Variants in DIP2C observed in about 807,000 individuals in gnomAD.
DIP2C encodes the protein DIP2 acetate--CoA ligase C (putative), also known as disco-interacting protein 2 homolog C.
In DIP2C, 33 loss-of-function variants were observed where a neutral mutation model predicts 192.4. The observed-to-expected ratio is 0.17, with a 90% CI of 0.13 to 0.23. DIP2C has a LOEUF of 0.23. Among genes scored for constraint, DIP2C ranks in the 10% least tolerant of loss-of-function variants. DIP2C has a pLI of 1.00. For missense variants in DIP2C, 1,537 were observed against 2,110.1 expected, an observed-to-expected ratio of 0.73 and a Z score of 5.32; for synonymous variants, 979 against 864.1, an observed-to-expected ratio of 1.13 and a Z score of -2.33.
intron 10 of DIP2C, among the ~76,000 whole-genome samples, chr10:393,698 G>C (rs886594534): frequency 2.1e-5 from 3 of 141,042 alleles, no homozygotes; most frequent in Non-Finnish European, 4.5e-5. Context: ...AGAATAGCTT[G>C]AACCCGGGAA....
chr10:347,861 TCGCGCATAGCTCTCCCGGAAACCCCACAC>T (rs1958584596), intron 26 of DIP2C, among the ~76,000 whole-genome samples: 1 of 100,216 alleles, frequency 1.0e-5, no homozygotes, highest in Non-Finnish European at 2.1e-5. Flanking sequence ...CCCAGACGCG[TCGCGCATAGCTCTCCCGGAAACCCCACAC>T]GCACCCAGAC....
Position 651,053 on chromosome 10 carries a change from C to A in DIP2C, c.85+38441G>T. The A allele has an allele frequency of 1.4e-6, 1 of 717,446 alleles. No homozygotes were observed. Among genetic ancestry groups the A allele is most frequent in the Non-Finnish European group, 2.6e-6 (1 of 385,092 alleles). 44.4% of individuals were successfully genotyped at this position (717,446 alleles called of 1,614,324 possible). On this transcript the variant is annotated intron_variant, in intron 1 of 36. Coordinates refer to ENST00000280886, the MANE Select transcript of DIP2C (RefSeq NM_014974.3). The surrounding 1 kb of genome is among the most constrained non-coding windows in gnomAD (Gnocchi z 4.1). The stretch of plus-strand genomic sequence containing the variant: ...TGCAGAAGCCCCTTTCCATCCTAGC[C>A]CCTGCCACCCCTCCTGCTCTTGTCT...
At chr10:382,542 TTCACCC>T (rs367916470) in intron 17 of DIP2C, 99 bp downstream of exon 17, 9 of 854,774 alleles carry the variant, frequency 1.1e-5, no homozygotes, top group Non-Finnish European at 1.7e-5. Flanking sequence ...AGGTCCCGTT[TTCACCC>T]TCACCCTCAG....
intron 29 of DIP2C, among the ~76,000 whole-genome samples, chr10:337,660 T>C (rs1957912645): frequency 1.4e-5 from 2 of 146,094 alleles, no homozygotes; most frequent in African/African-American, 5.1e-5. Flanking sequence ...TAGGCCGGTG[T>C]GTGTACGCGT....
intron 1 of DIP2C, among the ~76,000 whole-genome samples, chr10:519,323 G>A (rs907073626): frequency 6.6e-6 from 1 of 152,242 alleles, no homozygotes; most frequent in Non-Finnish European, 1.5e-5. Context: ...TGCCATGGAA[G>A]GAAATTCAGA....
intron 36 of DIP2C, among the ~76,000 whole-genome samples, 169 bp downstream of exon 36, chr10:281,031 G>A (rs139066483): frequency 2.6e-4 from 40 of 152,288 alleles, no homozygotes; most frequent in South Asian, 1.0e-3. Context: ...CATGTGGCAT[G>A]TTCTTTTGTT....
intron 31 of DIP2C, among the ~76,000 whole-genome samples, chr10:325,413 G>C (rs1010769331): frequency 2.0e-5 from 3 of 152,322 alleles, no homozygotes; most frequent in Non-Finnish European, 4.4e-5. Context: ...GGCACGATGC[G>C]ACGGGTTACT....
At chr10:333,950 G>A (rs953478367) in intron 29 of DIP2C, among the ~76,000 whole-genome samples, 1 of 152,108 alleles carries the variant, frequency 6.6e-6, no homozygotes, top group Non-Finnish European at 1.5e-5. Flanking sequence ...GTCTTCTTCT[G>A]GTGAGATATC....
intron 1 of DIP2C, among the ~76,000 whole-genome samples, chr10:525,402 AATAC>A (rs1021943316): frequency 2.0e-5 from 3 of 152,250 alleles, no homozygotes; most frequent in Admixed American, 6.5e-5. Context: ...TCAGAATGAA[AATAC>A]ATACATTTGT....
intron 32 of DIP2C, among the ~76,000 whole-genome samples, chr10:304,323 C>T (rs1956204198): frequency 6.6e-6 from 1 of 152,104 alleles, no homozygotes; most frequent in African/African-American, 2.4e-5. Context: ...TCTTACGGAA[C>T]CACTCTCATT....
intron 1 of DIP2C, among the ~76,000 whole-genome samples, chr10:503,118 C>T (rs887499064): frequency 2.6e-5 from 4 of 151,984 alleles, no homozygotes; most frequent in South Asian, 2.1e-4. Flanking sequence ...ACATAAATCC[C>T]GCCAGGACAC....
intron 4 of DIP2C, among the ~76,000 whole-genome samples, chr10:436,601 T>TG (rs1967230326): frequency 6.7e-6 from 1 of 149,560 alleles, no homozygotes; most frequent in Non-Finnish European, 1.5e-5. Context: ...CACCCACACC[T>TG]GAGCTCTCTC....
chr10:512,973 G>A (rs1846116522), intron 1 of DIP2C, among the ~76,000 whole-genome samples: 1 of 149,154 alleles, frequency 6.7e-6, no homozygotes, highest in Non-Finnish European at 1.5e-5. Flanking sequence ...TTTAAGGGAA[G>A]GGAGAAGAAC....
At chr10:639,287 C>A (rs1177703334) in intron 1 of DIP2C, among the ~76,000 whole-genome samples, 1 of 126,516 alleles carries the variant, frequency 7.9e-6, no homozygotes, top group Non-Finnish European at 1.6e-5. Context: ...CACGTGGGGA[C>A]GCGTCAGGTC....
chr10:307,361 A>G (rs546288442), intron 32 of DIP2C, among the ~76,000 whole-genome samples: 17 of 152,308 alleles, frequency 1.1e-4, no homozygotes, highest in Non-Finnish European at 2.1e-4. Flanking sequence ...GGCATATTAC[A>G]TGCTGGTAAA....
chr10:468,365 G>A (rs976393996), intron 3 of DIP2C, among the ~76,000 whole-genome samples: 5 of 152,108 alleles, frequency 3.3e-5, no homozygotes, highest in Admixed American at 1.3e-4. Context: ...AAGGGGAGTT[G>A]CTCTGTGTTG....
At chr10:586,295 C>G (rs1851015616) in intron 1 of DIP2C, among the ~76,000 whole-genome samples, 1 of 152,194 alleles carries the variant, frequency 6.6e-6, no homozygotes, top group South Asian at 2.1e-4. Flanking sequence ...GGCCATCTGA[C>G]CTGGCTGGGA....
intron 10 of DIP2C, among the ~76,000 whole-genome samples, chr10:398,247 G>C (rs1355214807): frequency 6.6e-6 from 1 of 152,046 alleles, no homozygotes; most frequent in African/African-American, 2.4e-5. Context: ...TATTCTCTCT[G>C]AAGCCTGCTG....
At chr10:506,820 G>T (rs1845621587) in intron 1 of DIP2C, among the ~76,000 whole-genome samples, 1 of 152,180 alleles carries the variant, frequency 6.6e-6, no homozygotes, top group Non-Finnish European at 1.5e-5. Flanking sequence ...CACTGAAGTG[G>T]GTCCTGCACC....
Sources: allele counts gnomAD v4.1 joint callset (sites outside exome capture counted in the v4.1 genomes callset), GRCh38; gene constraint gnomAD v4.1.1; non-coding constraint Gnocchi (gnomAD v3.1); transcripts MANE v1.5; gene names NCBI Gene and HGNC (gene_info 2026-07-23, HGNC 2026-07-21).